JAKMIP3: variants seen among roughly 807,000 people sequenced by gnomAD.
JAKMIP3 encodes the protein janus kinase and microtubule-interacting protein 3.
In JAKMIP3, 58 loss-of-function variants were observed where a neutral mutation model predicts 118.5. That is an observed-to-expected ratio of 0.49 (90% CI 0.40 to 0.61). The LOEUF is 0.61. Ranked by LOEUF, JAKMIP3 falls within the 20% of genes least tolerant of loss-of-function variation. The probability of loss-of-function intolerance (pLI) is 0.00; values close to 1 mark genes in which losing one functional copy is unlikely to be tolerated. For synonymous variants in JAKMIP3, 486 were observed against 451.2 expected, an observed-to-expected ratio of 1.08 and a Z score of -0.98; for missense variants, 950 against 1,109.0, an observed-to-expected ratio of 0.86 and a Z score of 2.04.
intron 9 of JAKMIP3, among the ~76,000 whole-genome samples, chr10:132,139,378 GTA>G (rs1436629445): frequency 5.6e-5 from 1 of 17,948 alleles, no homozygotes; most frequent in Non-Finnish European, 1.1e-4. Flanking sequence ...ACGTGTGTGA[GTA>G]TGTGAGTGTA....
At chr10:132,052,286 A>T (rs973333466) in intron 1 of JAKMIP3, among the ~76,000 whole-genome samples, 2 of 152,206 alleles carry the variant, frequency 1.3e-5, no homozygotes, top group Non-Finnish European at 2.9e-5. Context: ...CCCTATAAGA[A>T]GTCAGCTGTT....
At chr10:132,070,964 C>T (rs748125444) in intron 1 of JAKMIP3, among the ~76,000 whole-genome samples, 1 of 152,210 alleles carries the variant, frequency 6.6e-6, no homozygotes, top group East Asian at 1.9e-4. Flanking sequence ...AAGATGAAAG[C>T]ATAAACTAGG....
rs370399636 is a variant in JAKMIP3 at position 132,141,623 on chromosome 10, A to G, written c.1474-297A>G. On this transcript the variant is annotated intron_variant, in intron 10 of 23. Coordinates refer to ENST00000684848, the MANE Select transcript of JAKMIP3 (RefSeq NM_001323087.2). ...AGGAGCCCCAGCTGAGCCCCTGGCC[A>G]TGGCCACCAGCCCAGCAGGCTCACC... Among the ~76,000 whole-genome samples, 16 of 152,118 alleles carry G rather than the reference A, an allele frequency of 1.1e-4. No individual in the cohort carries two copies. In the South Asian group the frequency reaches 3.3e-3, roughly 32 times the overall value.
intron 3 of JAKMIP3, among the ~76,000 whole-genome samples, chr10:132,129,619 C>T (rs139709546): frequency 2.6e-5 from 4 of 152,264 alleles, no homozygotes; most frequent in African/African-American, 7.2e-5. Flanking sequence ...TCAGGGAAAA[C>T]GTTAGGGGAG....
rs1459055514 is a variant in JAKMIP3 at position 132,149,417 on chromosome 10, G to C, written c.1854G>C (p.Arg618Ser). Reference sequence around the variant, plus strand: ...CTTCTGTCCCTCTGTCCTAGGAGAGGGAGAGGAAGTCACCCGCCATCAGCT... The same window carrying C: ...CTTCTGTCCCTCTGTCCTAGGAGAGCGAGAGGAAGTCACCCGCCATCAGCT... Reference protein sequence around the residue: ...LEFRILELEERERKSPAISFH... With the variant: ...LEFRILELEESERKSPAISFH... Residue 618 changes from arginine to serine, a missense_variant, in exon 15 of 24, where the codon AGG becomes AGC. Physicochemically the swap from Arg to Ser is moderately radical, Grantham distance 110 (BLOSUM62 -1). Coordinates refer to ENST00000684848, the MANE Select transcript of JAKMIP3 (RefSeq NM_001323087.2). 2 of 1,598,332 alleles carry C rather than the reference G, an allele frequency of 1.3e-6. No individual in the cohort carries two copies. The highest frequency in any genetic ancestry group is 1.7e-6 in the Non-Finnish European group (2 of 1,172,682).
chr10:132,140,445 C>T lies in JAKMIP3; in HGVS notation c.1345-6C>T, dbSNP rs745493813. On this transcript the variant is annotated splice_region_variant and splice_polypyrimidine_tract_variant and intron_variant, in intron 9 of 23. Coordinates refer to ENST00000684848, the MANE Select transcript of JAKMIP3 (RefSeq NM_001323087.2). ...TTGAACTGACACGTCGCATTTTGGT[C>T]ACAAGCCGGTGGTTGTGGAGACCTT... 1.9e-6 allele frequency: 3 copies of T among 1,613,606 alleles called. No homozygotes were observed. Among genetic ancestry groups the T allele is most frequent in the South Asian group, 1.1e-5 (1 of 91,060 alleles).
chr10:132,161,414 G>A (rs2058283034), intron 19 of JAKMIP3, among the ~76,000 whole-genome samples: 1 of 47,930 alleles, frequency 2.1e-5, no homozygotes, highest in South Asian at 1.1e-3. Flanking sequence ...TGTCTTACTG[G>A]GGGGGGCCTC....
intron 23 of JAKMIP3, among the ~76,000 whole-genome samples, chr10:132,180,777 G>GCGCA: frequency 1.2e-5 from 1 of 83,372 alleles, no homozygotes; most frequent in Admixed American, 1.2e-4. Flanking sequence ...GTGCGTGTGT[G>GCGCA]TGTGTGCGCG....
intron 1 of JAKMIP3, among the ~76,000 whole-genome samples, chr10:132,086,176 T>C (rs967478249): frequency 6.6e-6 from 1 of 152,192 alleles, no homozygotes; most frequent in African/African-American, 2.4e-5. Context: ...TTTTGAAGAT[T>C]CCTTTTGGAG....
intron 1 of JAKMIP3, among the ~76,000 whole-genome samples, chr10:132,075,768 T>C (rs544472382): frequency 3.2e-4 from 48 of 152,282 alleles, no homozygotes; most frequent in African/African-American, 1.1e-3. Context: ...CTGTTCATAA[T>C]CTCTTATCCT....
intron 16 of JAKMIP3, among the ~76,000 whole-genome samples, chr10:132,151,452 C>T (rs567085023): frequency 6.6e-6 from 1 of 152,328 alleles, no homozygotes; most frequent in Admixed American, 6.5e-5. Flanking sequence ...AGCAGGGAGG[C>T]TCTGGGTGTG....
intron 23 of JAKMIP3, among the ~76,000 whole-genome samples, chr10:132,171,589 G>A (rs1482898343): frequency 6.6e-6 from 1 of 151,630 alleles, no homozygotes; most frequent in East Asian, 1.9e-4. Flanking sequence ...CACAAATTGT[G>A]TAGAGAGTCC....
chr10:132,153,204 C>G (rs2056537312), intron 17 of JAKMIP3, among the ~76,000 whole-genome samples, 181 bp downstream of exon 17: 1 of 152,232 alleles, frequency 6.6e-6, no homozygotes. Flanking sequence ...CACTGTGCAT[C>G]TTTGCAAAGG....
chr10:132,106,899 A>G (rs2045996774), intron 2 of JAKMIP3, among the ~76,000 whole-genome samples: 1 of 151,994 alleles, frequency 6.6e-6, no homozygotes, highest in African/African-American at 2.4e-5. Flanking sequence ...ATCTTTTTTT[A>G]AAAAAACAAA....
upstream of JAKMIP3, among the ~76,000 whole-genome samples, chr10:132,060,110 T>TA (rs151019187): frequency 2.0e-5 from 3 of 152,336 alleles, no homozygotes; most frequent in East Asian, 5.8e-4. Context: ...CACTGAGCCC[T>TA]GTGACACTGG....
chr10:132,165,541 T>C (rs952401254), intron 21 of JAKMIP3, among the ~76,000 whole-genome samples: 4 of 151,988 alleles, frequency 2.6e-5, no homozygotes, highest in Admixed American at 1.3e-4. Context: ...AATGAAATGG[T>C]CAGTGGCCCC....
In JAKMIP3 at chr10:132,039,765, C is replaced by CCT. The variant is rs368015846; in HGVS notation, c.-138+3033_-138+3034dup. ...ATGGGGGAAGCTTCATTTCTGGCCT[C>CCT]CTCTCTCGGCCTCCAGCCGCTGTAT... On this transcript the variant is annotated intron_variant, in intron 1 of 23. Coordinates refer to the JAKMIP3 transcript ENST00000657785. Among the ~76,000 whole-genome samples the CCT allele has an allele frequency of 2.1e-3, 324 of 152,340 alleles. 1 individual carries two copies. The highest frequency in any genetic ancestry group is 7.2e-3 in the African/African-American group (301 of 41,592).
intron 19 of JAKMIP3, among the ~76,000 whole-genome samples, chr10:132,162,243 C>T (rs1043057974): frequency 2.6e-5 from 4 of 152,176 alleles, no homozygotes; most frequent in Non-Finnish European, 4.4e-5. Flanking sequence ...TGTGGGAGAC[C>T]GTGGTCTGTG....
chr10:132,119,751 G>A (rs949165369), intron 3 of JAKMIP3, among the ~76,000 whole-genome samples: 4 of 152,124 alleles, frequency 2.6e-5, no homozygotes, highest in African/African-American at 9.7e-5. Context: ...TGGAATTTTG[G>A]GTTTTTAACC....
Sources: gnomAD v4.1 joint callset for allele counts (sites outside exome capture counted in the v4.1 genomes callset) on GRCh38, gnomAD v4.1.1 for gene constraint, MANE v1.5 for transcripts, NCBI Gene and HGNC (gene_info 2026-07-23, HGNC 2026-07-21) for gene names.